Variants in TBC1D32 observed in about 807,000 individuals in gnomAD.
TBC1D32 encodes the protein protein broad-minded.
TBC1D32 carries 151 observed loss-of-function variants against 170.3 expected under a neutral mutation model. The ratio of observed to expected loss-of-function variants is 0.89; its 90% CI spans 0.78 to 1.01. TBC1D32 has a LOEUF of 1.01. Among genes scored for constraint, TBC1D32 ranks in the 50% least tolerant of loss-of-function variants. The pLI, the probability that TBC1D32 is intolerant of heterozygous loss-of-function variation, is 0.00. For missense variants in TBC1D32, 1,464 were observed against 1,457.1 expected (o/e 1.00, Z -0.08); for synonymous variants, 498 against 488.0 (o/e 1.02, Z -0.27).
chr6:121,229,266 T>C (rs865945979), intron 20 of TBC1D32, among the ~76,000 whole-genome samples: 3 of 152,140 alleles, frequency 2.0e-5, no homozygotes, highest in Non-Finnish European at 4.4e-5. Flanking sequence ...CAGGTGTACA[T>C]ATCTAGACAC....
At chr6:121,315,221 T>C (rs555189169) in intron 3 of TBC1D32, among the ~76,000 whole-genome samples, 3 of 152,330 alleles carry the variant, frequency 2.0e-5, no homozygotes, top group African/African-American at 7.2e-5. Flanking sequence ...ACTTAACTAT[T>C]ATTAAAAGGC....
At chr6:121,080,993 A>G (rs1582673518) in intron 31 of TBC1D32, 103 bp from the exon 32 acceptor site, 1 of 1,393,412 alleles carries the variant, frequency 7.2e-7, no homozygotes, top group Admixed American at 2.1e-5. Context: ...TCAGCTATAG[A>G]TGGGGTGGGC....
At chr6:121,276,494 G>A (rs1162189566) in intron 15 of TBC1D32, among the ~76,000 whole-genome samples, 1 of 151,864 alleles carries the variant, frequency 6.6e-6, no homozygotes, top group Non-Finnish European at 1.5e-5. Flanking sequence ...ATCAAAGCCA[G>A]ATAAGGCAAA....
chr6:121,234,496 A>T (rs1796109128), intron 20 of TBC1D32, among the ~76,000 whole-genome samples: 1 of 151,812 alleles, frequency 6.6e-6, no homozygotes, highest in South Asian at 2.1e-4. Context: ...TGCTTGTTCG[A>T]TTCTATTACT....
At chr6:121,207,501 A>G (rs567325719) in intron 21 of TBC1D32, among the ~76,000 whole-genome samples, 1 of 152,222 alleles carries the variant, frequency 6.6e-6, no homozygotes, top group Non-Finnish European at 1.5e-5. Context: ...TATGGCAAAT[A>G]ATTTTTTCAA....
intron 29 of TBC1D32, among the ~76,000 whole-genome samples, chr6:121,109,401 A>T (rs972107715): frequency 1.5e-4 from 23 of 152,268 alleles, no homozygotes; most frequent in Non-Finnish European, 2.9e-4. Flanking sequence ...ATGTGCATGT[A>T]AAATACTCTG....
At chr6:121,300,315 C>T (rs1444995461) in intron 9 of TBC1D32, among the ~76,000 whole-genome samples, 1 of 152,000 alleles carries the variant, frequency 6.6e-6, no homozygotes, top group East Asian at 1.9e-4. Context: ...GGAGTGGTGG[C>T]ATGCATCTGT....
intron 20 of TBC1D32, among the ~76,000 whole-genome samples, chr6:121,228,126 C>A (rs970759016): frequency 6.6e-6 from 1 of 151,866 alleles, no homozygotes; most frequent in African/African-American, 2.4e-5. Flanking sequence ...AGTCTTACCC[C>A]TGTTTCATTC....
At chr6:121,296,740 A>G (rs1385727592) in intron 10 of TBC1D32, among the ~76,000 whole-genome samples, 3 of 150,940 alleles carry the variant, frequency 2.0e-5, no homozygotes, top group African/African-American at 7.4e-5. Flanking sequence ...ATTTTCTAAC[A>G]AAAAACAAAA....
intron 1 of TBC1D32, among the ~76,000 whole-genome samples, chr6:121,328,786 G>A (rs1452689461): frequency 2.0e-5 from 3 of 152,052 alleles, no homozygotes; most frequent in African/African-American, 4.8e-5. Flanking sequence ...ATATTAAAAT[G>A]TTTTTTACAT....
At chr6:121,278,143 A>G (rs116397189) in intron 15 of TBC1D32, among the ~76,000 whole-genome samples, 2,667 of 152,248 alleles carry the variant, frequency 0.018, 28 homozygotes, top group South Asian at 0.041. Context: ...AGAAAACACC[A>G]GGCTAAAATT....
chr6:121,321,529 TG>T, intron 2 of TBC1D32, 103 bp downstream of exon 2: 1 of 1,087,452 alleles, frequency 9.2e-7, no homozygotes, highest in Non-Finnish European at 1.3e-6. Flanking sequence ...AGAATCATTC[TG>T]GCTGCTATGA....
chr6:121,217,429 T>G lies in TBC1D32; in HGVS notation c.2481+5807A>C, dbSNP rs565777429. 2.3e-3 allele frequency among the ~76,000 whole-genome samples: 348 copies of G among 152,286 alleles called. 1 individual carries two copies. The highest frequency in any genetic ancestry group is 7.8e-3 in the African/African-American group (326 of 41,562). On this transcript the variant is annotated intron_variant, in intron 21 of 31. Transcript: ENST00000398212. ...ACCTAAATGCCCATCAATGACAAATTGAATAAAGAAAATGTGGACATATAT... is the reference window on the plus strand; with the variant it reads ...ACCTAAATGCCCATCAATGACAAATGGAATAAAGAAAATGTGGACATATAT...
At chr6:121,081,882 A>G (rs1775679258) in intron 31 of TBC1D32, among the ~76,000 whole-genome samples, 1 of 152,044 alleles carries the variant, frequency 6.6e-6, no homozygotes, top group South Asian at 2.1e-4. Context: ...TGCCATCATT[A>G]CCAAAAATCT....
chr6:121,109,483 CTTTAA>C (rs1262762737), intron 29 of TBC1D32, among the ~76,000 whole-genome samples: 2 of 152,060 alleles, frequency 1.3e-5, no homozygotes, highest in Admixed American at 1.3e-4. Context: ...ATGATCACTA[CTTTAA>C]TTTATTCTTT....
At chr6:121,273,753 A>C in intron 15 of TBC1D32, among the ~76,000 whole-genome samples, 1 of 152,138 alleles carries the variant, frequency 6.6e-6, no homozygotes, top group East Asian at 1.9e-4. Flanking sequence ...TGATGGAAGT[A>C]TAAACAGACT....
intron 31 of TBC1D32, among the ~76,000 whole-genome samples, chr6:121,082,621 C>T (rs1418976220): frequency 6.6e-6 from 1 of 151,954 alleles, no homozygotes; most frequent in Admixed American, 6.6e-5. Context: ...GAGATGACAG[C>T]ACTTGAACAA....
At chr6:121,122,876 A>G (rs1780418490) in intron 26 of TBC1D32, among the ~76,000 whole-genome samples, 1 of 152,054 alleles carries the variant, frequency 6.6e-6, no homozygotes, top group South Asian at 2.1e-4. Context: ...GCATGGAAAG[A>G]AAGTATGATG....
chr6:121,206,362 C>T (rs543772337), intron 21 of TBC1D32, among the ~76,000 whole-genome samples: 44 of 152,194 alleles, frequency 2.9e-4, no homozygotes, highest in Non-Finnish European at 5.7e-4. Flanking sequence ...TGCTACTCTC[C>T]AGTGAGTTTA....
Sources: gnomAD v4.1 joint callset for allele counts (sites outside exome capture counted in the v4.1 genomes callset) on GRCh38, gnomAD v4.1.1 for gene constraint, MANE v1.5 for transcripts, NCBI Gene and HGNC (gene_info 2026-07-23, HGNC 2026-07-21) for gene names.